MTMR3: variants seen among roughly 807,000 people sequenced by gnomAD.
MTMR3 encodes the protein phosphatidylinositol-3,5-bisphosphate 3-phosphatase MTMR3.
A neutral mutation model predicts 132.4 loss-of-function variants in MTMR3; 32 were observed. That is an observed-to-expected ratio of 0.24 (90% CI 0.18 to 0.32). The LOEUF (loss-of-function observed/expected upper bound fraction) is 0.32. Among genes scored for constraint, MTMR3 ranks in the 10% least tolerant of loss-of-function variants. The pLI is 1.00. For synonymous variants in MTMR3, 556 were observed against 550.3 expected, an observed-to-expected ratio of 1.01 and a Z score of -0.14; for missense variants, 1,216 against 1,489.6, an observed-to-expected ratio of 0.82 and a Z score of 3.02.
intron 14 of MTMR3, chr22:30,014,755 C>G (rs2067530909): frequency 6.6e-6 from 1 of 151,684 alleles, no homozygotes; most frequent in South Asian, 2.1e-4. Flanking sequence ...GCAAGTGATT[C>G]TCCCGCCTTG....
intron 2 of MTMR3, among the ~76,000 whole-genome samples, chr22:29,963,939 T>C (rs554656910): frequency 1.3e-5 from 2 of 152,256 alleles, no homozygotes; most frequent in South Asian, 4.1e-4. Flanking sequence ...TAAACATGTA[T>C]TTGCAAGATT....
At chr22:30,022,865 C>T in intron 19 of MTMR3, 168 bp downstream of exon 19, 2 of 604,880 alleles carry the variant, frequency 3.3e-6, no homozygotes, top group Non-Finnish European at 5.8e-6. Flanking sequence ...CTGCATTTGG[C>T]ATCTTTGTTC....
intron 1 of MTMR3, among the ~76,000 whole-genome samples, chr22:29,911,652 C>T (rs1301832358): frequency 6.6e-6 from 1 of 151,126 alleles, no homozygotes; most frequent in Non-Finnish European, 1.5e-5. Flanking sequence ...GACCATTTCT[C>T]CAGTGGGCTT....
At chr22:29,957,327 T>A (rs940668963) in intron 2 of MTMR3, among the ~76,000 whole-genome samples, 1 of 151,820 alleles carries the variant, frequency 6.6e-6, no homozygotes, top group African/African-American at 2.4e-5. Context: ...ACTGTAATAG[T>A]GTACTGGAAA....
At position 30,025,476 on chromosome 22, in the gene MTMR3, A is replaced by C. The variant is rs539910930; in HGVS notation, c.3426-154A>C. On this transcript the variant is annotated intron_variant, in intron 19 of 19. Transcript: ENST00000401950. The stretch of plus-strand genomic sequence containing the variant: ...CTAGGTAGGGACACCCTCCCTACCC[A>C]GCTTGTTCCTGGGCTAGAGAGATGA... The C allele has an allele frequency of 1.8e-5, 13 of 736,152 alleles. No individual in the cohort carries two copies. The South Asian group carries it at 2.1e-4, about 12-fold the overall frequency. 45.6% of individuals were successfully genotyped at this position (736,152 alleles called of 1,614,324 possible). A position where few individuals can be genotyped will look rare whatever the true frequency, so the allele number is the denominator to read the frequency against.
chr22:29,888,331 G>A (rs2145697726), intron 1 of MTMR3, among the ~76,000 whole-genome samples: 2 of 152,234 alleles, frequency 1.3e-5, no homozygotes, highest in South Asian at 4.2e-4. Flanking sequence ...GTAGACATGA[G>A]CCACTGTGCC....
At chr22:30,023,678 A>T in intron 19 of MTMR3, 1 of 632,592 alleles carries the variant, frequency 1.6e-6, no homozygotes, top group Non-Finnish European at 2.8e-6. Flanking sequence ...GGCTGCAGCC[A>T]TGTGCTCCCC....
intron 5 of MTMR3, chr22:29,981,440 G>A (rs1602618417): frequency 6.6e-6 from 1 of 152,190 alleles, no homozygotes; most frequent in East Asian, 1.9e-4. Context: ...AAGGAAACTT[G>A]CCACTGTTCT....
intron 1 of MTMR3, among the ~76,000 whole-genome samples, chr22:29,955,109 C>T (rs1327649309): frequency 6.6e-6 from 1 of 152,166 alleles, no homozygotes; most frequent in African/African-American, 2.4e-5. Context: ...CCCATCTCAG[C>T]CTTCTGAGTA....
In MTMR3 at chr22:30,007,904, C is replaced by A; in HGVS notation, c.881C>A (p.Ser294Tyr). The A allele has an allele frequency of 6.2e-7, 1 of 1,613,696 alleles. No individual in the cohort carries two copies. ...GGDLSDVEFDSSLSNASGAES... is the reference protein window; with the variant it reads ...GGDLSDVEFDYSLSNASGAES... ...CCCTCTCCCTCTGTGTCCCTAGATTCTTCTCTGTCAAATGCTTCAGGAGCA... is the reference window on the plus strand; with the variant it reads ...CCCTCTCCCTCTGTGTCCCTAGATTATTCTCTGTCAAATGCTTCAGGAGCA... Residue 294 changes from serine to tyrosine, a missense_variant, in exon 11 of 20, where the codon TCT becomes TAT. Physicochemically the swap from Ser to Tyr is moderately radical, Grantham distance 144. Around this residue, in one of 7 missense-constraint regions of MTMR3, gnomAD observed 47 missense variants for 46.8 expected, o/e 1.00. Coordinates refer to ENST00000401950, the MANE Select transcript of MTMR3 (RefSeq NM_021090.4).
chr22:29,971,015 T>A lies in MTMR3; in HGVS notation c.-45T>A, dbSNP rs1252099488. ...GAAAGAAGAGAGCCTTGTTGGACAC[T>A]GAAGAAGGGACGGGGATTTCTCCTC... On this transcript the variant is annotated 5_prime_UTR_variant, in exon 3 of 20. Transcript: ENST00000401950. The A allele has an allele frequency of 8.5e-6, 12 of 1,405,838 alleles. No homozygotes were observed. Among genetic ancestry groups the A allele is most frequent in the Non-Finnish European group, 1.1e-5 (12 of 1,052,868 alleles). The allele number at this position is 1,405,838 out of a possible 1,614,324, so 87.1% of individuals were successfully genotyped here.
At position 30,018,062 on chromosome 22, in the gene MTMR3, C is replaced by T. The variant is rs766843420; in HGVS notation, c.1810C>T (p.Pro604Ser). 1.1e-5 allele frequency: 18 copies of T among 1,607,638 alleles called. No individual in the cohort carries two copies. In the South Asian group the frequency reaches 1.4e-4, roughly 13 times the overall value. Reference protein sequence around the residue: ...PAPGTSPDDPPLSRLPKTRSY... With the variant: ...PAPGTSPDDPSLSRLPKTRSY... ...CCCAGGCACCAGCCCTGATGATCCC[C>T]CCCTGAGCCGGTGAGCCCAGGGTGA... The change falls in exon 16 of 20, where the codon CCC becomes TCC. Residue 604 changes from proline to serine, a missense_variant. Transcript: ENST00000401950.
At chr22:29,978,811 C>A in intron 4 of MTMR3, 125 bp from the exon 5 acceptor site, 1 of 742,380 alleles carries the variant, frequency 1.3e-6, no homozygotes, top group Non-Finnish European at 2.3e-6. Context: ...GCTTCCTTAT[C>A]TACTTATGTG....
At chr22:30,023,649 G>A in intron 19 of MTMR3, 3 of 767,270 alleles carry the variant, frequency 3.9e-6, no homozygotes, top group African/African-American at 1.7e-5. Flanking sequence ...GCTGAGGAGA[G>A]GCCATCGAGG....
intron 1 of MTMR3, among the ~76,000 whole-genome samples, chr22:29,954,817 T>C (rs1306114394): frequency 6.6e-6 from 1 of 152,172 alleles, no homozygotes; most frequent in Non-Finnish European, 1.5e-5. Flanking sequence ...TGGACGTACA[T>C]CTACTTGGGA....
chr22:30,023,355 C>G, intron 19 of MTMR3: 1 of 1,165,816 alleles, frequency 8.6e-7, no homozygotes, highest in East Asian at 2.3e-5. Flanking sequence ...GTCTCTTTGC[C>G]TAGTAATGAT....
chr22:29,899,083 C>G (rs938632752), intron 1 of MTMR3, among the ~76,000 whole-genome samples: 1 of 152,064 alleles, frequency 6.6e-6, no homozygotes, highest in Non-Finnish European at 1.5e-5. Context: ...ATGAGACTTT[C>G]TTGAATTACT....
intron 1 of MTMR3, among the ~76,000 whole-genome samples, chr22:29,892,877 A>G (rs1235609612): frequency 1.3e-5 from 2 of 152,264 alleles, no homozygotes; most frequent in Non-Finnish European, 2.9e-5. Context: ...CTTAGGTAAC[A>G]TGATGTATAA....
At chr22:29,981,925 T>G (rs1048970606) in intron 5 of MTMR3, 1 of 149,370 alleles carries the variant, frequency 6.7e-6, no homozygotes. Flanking sequence ...AATTTCAGAT[T>G]GAGGCCGGGC....
Sources: gnomAD v4.1 joint callset for allele counts (sites outside exome capture counted in the v4.1 genomes callset) on GRCh38, gnomAD v4.1.1 for gene constraint, gnomAD v4.1.1 regional missense constraint, MANE v1.5 for transcripts, NCBI Gene and HGNC (gene_info 2026-07-23, HGNC 2026-07-21) for gene names.